The following VTI1A variants were observed in gnomAD, a reference collection of about 807,000 sequenced individuals.
VTI1A encodes the protein vesicle transport through interaction with t-SNAREs homolog 1A.
A neutral mutation model predicts 34.9 loss-of-function variants in VTI1A; 22 were observed. The ratio of observed to expected loss-of-function variants is 0.63; its 90% CI spans 0.45 to 0.90. The LOEUF (loss-of-function observed/expected upper bound fraction) is 0.90. Ranked by LOEUF, VTI1A falls within the 40% of genes least tolerant of loss-of-function variation. VTI1A has a pLI of 0.00. For missense variants in VTI1A, 268 were observed against 275.6 expected, an observed-to-expected ratio of 0.97 and a Z score of 0.20; for synonymous variants, 87 against 97.3, an observed-to-expected ratio of 0.89 and a Z score of 0.62.
intron 7 of VTI1A, among the ~76,000 whole-genome samples, chr10:112,758,644 C>T (rs1207819107): frequency 6.6e-6 from 1 of 152,224 alleles, no homozygotes; most frequent in Non-Finnish European, 1.5e-5. Flanking sequence ...GGCTCTGGCC[C>T]TGCCATTCAC....
At chr10:112,830,554 A>G in the VTI1A span, among the ~76,000 whole-genome samples, 1 of 151,060 alleles carries the variant, frequency 6.6e-6, no homozygotes, top group Non-Finnish European at 1.5e-5. Flanking sequence ...TTATCATAAT[A>G]CATACTCAAG....
chr10:112,665,327 A>G (rs1337729773), intron 5 of VTI1A, among the ~76,000 whole-genome samples: 1 of 151,592 alleles, frequency 6.6e-6, no homozygotes, highest in African/African-American at 2.4e-5. Flanking sequence ...AGCCCACATA[A>G]GTTTATTCAC....
intron 7 of VTI1A, among the ~76,000 whole-genome samples, chr10:112,773,631 G>A (rs1851875988): frequency 6.6e-6 from 1 of 152,200 alleles, no homozygotes; most frequent in South Asian, 2.1e-4. Context: ...CAAGTGGTGG[G>A]TCCAGTATCT....
chr10:112,772,896 G>A (rs1851854281), intron 7 of VTI1A, among the ~76,000 whole-genome samples: 1 of 152,204 alleles, frequency 6.6e-6, no homozygotes, highest in South Asian at 2.1e-4. Flanking sequence ...GACTGGCATA[G>A]GTCATTCAGA....
At chr10:112,591,595 T>C (rs181000133) in intron 5 of VTI1A, among the ~76,000 whole-genome samples, 1 of 152,332 alleles carries the variant, frequency 6.6e-6, no homozygotes, top group Non-Finnish European at 1.5e-5. Context: ...TGTTTTATAC[T>C]GAAATTTAAC....
At chr10:112,634,151 C>T (rs1478904014) in intron 5 of VTI1A, 1 of 154,280 alleles carries the variant, frequency 6.5e-6, no homozygotes, top group Non-Finnish European at 1.5e-5. Flanking sequence ...GCTTCAATGG[C>T]TTATGCATTT....
intron 5 of VTI1A, among the ~76,000 whole-genome samples, chr10:112,572,826 GAGACTCCGTCTCAACC>G (rs1384409097): frequency 7.2e-6 from 1 of 139,598 alleles, no homozygotes; most frequent in African/African-American, 2.7e-5. Context: ...GCGACAGAGC[GAGACTCCGTCTCAACC>G]AAAAAAAAAA....
chr10:112,631,407 G>T (rs1846125767), intron 5 of VTI1A, among the ~76,000 whole-genome samples: 1 of 152,044 alleles, frequency 6.6e-6, no homozygotes, highest in Non-Finnish European at 1.5e-5. Context: ...TCCTCGTTAG[G>T]CAGTTGCTCC....
intron 7 of VTI1A, among the ~76,000 whole-genome samples, chr10:112,699,501 T>G (rs1166714971): frequency 6.6e-6 from 1 of 152,236 alleles, no homozygotes; most frequent in East Asian, 1.9e-4. Context: ...TTATAGTTTA[T>G]AAAATGTGTT....
chr10:112,606,379 C>T (rs950083505), intron 5 of VTI1A, among the ~76,000 whole-genome samples: 6 of 152,092 alleles, frequency 3.9e-5, no homozygotes, highest in African/African-American at 1.2e-4. Flanking sequence ...GTCTTCATGC[C>T]CTCACCACCC....
the VTI1A span, among the ~76,000 whole-genome samples, chr10:112,842,841 G>C: frequency 3.9e-5 from 6 of 152,208 alleles, no homozygotes; most frequent in African/African-American, 1.2e-4. Context: ...TAGCTGTCAG[G>C]GGGGTTGGTC....
chr10:112,716,405 A>ATG (rs1849616088), intron 7 of VTI1A, among the ~76,000 whole-genome samples: 1 of 152,162 alleles, frequency 6.6e-6, no homozygotes, highest in Non-Finnish European at 1.5e-5. Context: ...CTCTCCCAAC[A>ATG]TGTATACTCT....
At chr10:112,655,328 G>C (rs1031901016) in intron 5 of VTI1A, among the ~76,000 whole-genome samples, 72 of 152,136 alleles carry the variant, frequency 4.7e-4, no homozygotes, top group African/African-American at 1.6e-3. Context: ...CCAGAACAAA[G>C]GATAGAAACC....
intron 7 of VTI1A, among the ~76,000 whole-genome samples, chr10:112,754,655 G>A (rs1457256855): frequency 2.0e-5 from 3 of 152,144 alleles, no homozygotes; most frequent in Admixed American, 6.5e-5. Flanking sequence ...AAGAACTGAG[G>A]CTTTCAAACC....
At chr10:112,614,818 A>G (rs1416500735) in intron 5 of VTI1A, among the ~76,000 whole-genome samples, 1 of 152,232 alleles carries the variant, frequency 6.6e-6, no homozygotes, top group East Asian at 1.9e-4. Flanking sequence ...AACACTGAAA[A>G]TCTTGTGAGA....
intron 3 of VTI1A, among the ~76,000 whole-genome samples, chr10:112,499,636 A>G: frequency 6.6e-6 from 1 of 152,188 alleles, no homozygotes; most frequent in South Asian, 2.1e-4. Flanking sequence ...TAAACTTATT[A>G]TCTTTTCTCC....
chr10:112,779,375 A>AT (rs570109767), intron 7 of VTI1A, among the ~76,000 whole-genome samples: 7 of 152,228 alleles, frequency 4.6e-5, no homozygotes, highest in Non-Finnish European at 8.8e-5. Context: ...AGGAGACTAG[A>AT]TTTTGACACA....
the VTI1A span, among the ~76,000 whole-genome samples, chr10:112,835,042 A>T: frequency 6.6e-6 from 1 of 152,278 alleles, no homozygotes; most frequent in African/African-American, 2.4e-5. Flanking sequence ...AGAAAAAAAA[A>T]TGGCATGTCT....
At chr10:112,586,510 A>G (rs1844166325) in intron 5 of VTI1A, among the ~76,000 whole-genome samples, 1 of 152,212 alleles carries the variant, frequency 6.6e-6, no homozygotes. Context: ...TTTTCAACAG[A>G]GACCCACTAG....
Sources: gnomAD v4.1 joint callset for allele counts (sites outside exome capture counted in the v4.1 genomes callset) on GRCh38, gnomAD v4.1.1 for gene constraint, MANE v1.5 for transcripts, NCBI Gene and HGNC (gene_info 2026-07-23, HGNC 2026-07-21) for gene names.